The following OPCML variants were observed in gnomAD, a reference collection of about 807,000 sequenced individuals.
OPCML encodes the protein opioid-binding protein/cell adhesion molecule.
In OPCML, 13 loss-of-function variants were observed where a neutral mutation model predicts 37.8. The observed-to-expected ratio is 0.34, with a 90% CI of 0.22 to 0.55. The LOEUF is 0.55. Ranked by LOEUF, OPCML falls within the 20% of genes least tolerant of loss-of-function variation. The pLI, the probability that OPCML is intolerant of heterozygous loss-of-function variation, is 0.91. For missense variants in OPCML, 341 were observed against 435.6 expected (o/e 0.78, Z 1.93); for synonymous variants, 176 against 168.8 (o/e 1.04, Z -0.33).
chr11:132,808,691 A>T (rs189258559), intron 2 of OPCML, among the ~76,000 whole-genome samples: 2 of 152,236 alleles, frequency 1.3e-5, no homozygotes, highest in Admixed American at 1.3e-4. Context: ...GCTGCTAATT[A>T]TTGAAACAGG....
At chr11:132,991,107 T>C (rs1287445046) in intron 1 of OPCML, among the ~76,000 whole-genome samples, 2 of 152,180 alleles carry the variant, frequency 1.3e-5, no homozygotes, top group African/African-American at 4.8e-5. Context: ...GAAAAATGTC[T>C]ACAGCAATTC....
intron 2 of OPCML, among the ~76,000 whole-genome samples, chr11:132,739,265 A>G (rs1945361690): frequency 6.6e-6 from 1 of 152,176 alleles, no homozygotes. Flanking sequence ...TCAAGTCCCA[A>G]GCACCCTTTT....
chr11:133,143,233 GGTCT>G (rs1949851217), intron 1 of OPCML, among the ~76,000 whole-genome samples: 1 of 152,160 alleles, frequency 6.6e-6, no homozygotes, highest in South Asian at 2.1e-4. Flanking sequence ...GATCTCACTA[GGTCT>G]GTCTCTCCTT....
At chr11:132,929,163 G>A (rs1206563755) in intron 2 of OPCML, among the ~76,000 whole-genome samples, 11 of 151,678 alleles carry the variant, frequency 7.3e-5, no homozygotes, top group Admixed American at 7.2e-4. Flanking sequence ...ACAAAATAAT[G>A]AGTTTTTTCC....
chr11:132,608,993 A>G (rs1938473226), intron 3 of OPCML, among the ~76,000 whole-genome samples: 1 of 152,066 alleles, frequency 6.6e-6, no homozygotes, highest in South Asian at 2.1e-4. Flanking sequence ...ATAGTACAAC[A>G]GGCTTCCAAC....
intron 2 of OPCML, among the ~76,000 whole-genome samples, chr11:132,913,888 G>A (rs1298911091): frequency 1.3e-5 from 2 of 152,146 alleles, no homozygotes; most frequent in Non-Finnish European, 2.9e-5. Flanking sequence ...CACTCTCGAC[G>A]GACTCCTCCC....
chr11:132,932,196 G>A (rs1050271694), intron 2 of OPCML, among the ~76,000 whole-genome samples: 4 of 152,142 alleles, frequency 2.6e-5, no homozygotes, highest in Non-Finnish European at 5.9e-5. Flanking sequence ...CTGAGTTTCA[G>A]TTTGGGAAGA....
At chr11:132,849,687 A>G (rs1941711879) in intron 2 of OPCML, among the ~76,000 whole-genome samples, 1 of 152,204 alleles carries the variant, frequency 6.6e-6, no homozygotes, top group South Asian at 2.1e-4. Flanking sequence ...CAGTGCTCTC[A>G]GCAGAGGGAC....
intron 1 of OPCML, among the ~76,000 whole-genome samples, chr11:133,011,474 G>A (rs149513779): frequency 2.1e-4 from 32 of 152,236 alleles, no homozygotes; most frequent in African/African-American, 7.5e-4. Context: ...TTAGGTTCCC[G>A]AGATTCCATG....
chr11:133,106,864 C>T (rs913508511), intron 1 of OPCML, among the ~76,000 whole-genome samples: 2 of 152,234 alleles, frequency 1.3e-5, no homozygotes, highest in Non-Finnish European at 2.9e-5. Flanking sequence ...CCATGCCTCT[C>T]TTGGCCTAGC....
At chr11:132,725,761 A>G (rs1393617533) in intron 2 of OPCML, among the ~76,000 whole-genome samples, 1 of 150,478 alleles carries the variant, frequency 6.6e-6, no homozygotes, top group Non-Finnish European at 1.5e-5. Context: ...AGCCTGGGCA[A>G]CAGCGAGACT....
At chr11:132,558,211 CCTTT>C (rs1397926571) in intron 3 of OPCML, among the ~76,000 whole-genome samples, 4 of 151,860 alleles carry the variant, frequency 2.6e-5, no homozygotes, top group African/African-American at 9.7e-5. Flanking sequence ...TTCCTCTTTT[CCTTT>C]CTCTTTTTCT....
intron 2 of OPCML, among the ~76,000 whole-genome samples, chr11:132,768,863 A>T (rs1946543815): frequency 6.6e-6 from 1 of 152,160 alleles, no homozygotes; most frequent in African/African-American, 2.4e-5. Context: ...AGGTGAAAGC[A>T]GTGGGTGGTG....
chr11:132,621,065 C>T (rs994436746), intron 3 of OPCML, among the ~76,000 whole-genome samples: 2 of 152,342 alleles, frequency 1.3e-5, no homozygotes, highest in East Asian at 1.9e-4. Context: ...ACACACAAGG[C>T]TTTTGAAGGA....
At position 132,436,107 on chromosome 11, in the gene OPCML, T is replaced by C; in HGVS notation, c.895A>G (p.Asn299Asp). The C allele has an allele frequency of 6.2e-7, 1 of 1,614,124 alleles. No homozygotes were observed. Among genetic ancestry groups the C allele is most frequent in the Admixed American group, 1.7e-5 (1 of 60,012 alleles). The change falls in exon 7 of 8, where the codon AAT (asparagine) becomes GAT (aspartate). Residue 299 changes from asparagine (N) to aspartate (D), a missense_variant. Transcript: ENST00000524381. ...CVATNKLGNT[N>D]ASITLYGPGA... ...TCACCATACAATGTGATGCTGGCAT[T>C]GGTGTTCCCAAGCTTGTTCGTGGCC...
At position 133,523,317 on chromosome 11, in the gene OPCML, A is replaced by G. The variant is rs55900992; in HGVS notation, c.61+8947T>C. 3.2e-3 allele frequency among the ~76,000 whole-genome samples: 485 copies of G among 152,242 alleles called. 2 individuals are homozygous for G. The highest frequency in any genetic ancestry group is 7.6e-3 in the Admixed American group (117 of 15,304). On this transcript the variant is annotated intron_variant, in intron 1 of 7. Transcript: ENST00000524381. The stretch of plus-strand genomic sequence containing the variant: ...CATACAAGCAGGAACCTGAGGACGG[A>G]CGCTCTTCTCAGCACTCTCCCAGGA...
At chr11:132,539,048 AT>A (rs973157310) in intron 3 of OPCML, among the ~76,000 whole-genome samples, 6 of 152,190 alleles carry the variant, frequency 3.9e-5, no homozygotes, top group African/African-American at 1.4e-4. Flanking sequence ...CATTGAAAAC[AT>A]TTTTTGAGTT....
intron 2 of OPCML, among the ~76,000 whole-genome samples, chr11:132,787,087 C>T (rs973124086): frequency 1.3e-5 from 2 of 152,184 alleles, no homozygotes; most frequent in Non-Finnish European, 2.9e-5. Flanking sequence ...GCGTTTCCAA[C>T]AAGTTTTCAT....
chr11:132,896,352 T>C (rs2136480024), intron 2 of OPCML, among the ~76,000 whole-genome samples: 1 of 152,308 alleles, frequency 6.6e-6, no homozygotes, highest in East Asian at 1.9e-4. Context: ...ATTGCTCTTC[T>C]CTGTAGACCA....
Sources: allele counts gnomAD v4.1 joint callset (sites outside exome capture counted in the v4.1 genomes callset), GRCh38; gene constraint gnomAD v4.1.1; transcripts MANE v1.5; gene names NCBI Gene and HGNC (gene_info 2026-07-23, HGNC 2026-07-21).